ADAMTS7: variants seen among roughly 807,000 people sequenced by gnomAD.
The protein encoded by ADAMTS7 is A disintegrin and metalloproteinase with thrombospondin motifs 7.
In ADAMTS7, 89 loss-of-function variants were observed where a neutral mutation model predicts 172.6. The ratio of observed to expected loss-of-function variants is 0.52; its 90% CI spans 0.43 to 0.61. ADAMTS7 has a LOEUF of 0.61. Among genes scored for constraint, ADAMTS7 ranks in the 20% least tolerant of loss-of-function variants. The pLI is 0.00. For synonymous variants in ADAMTS7, 885 were observed against 978.4 expected (o/e 0.90, Z 1.78); for missense variants, 1,973 against 2,355.6 (o/e 0.84, Z 3.36).
intron 23 of ADAMTS7, 21 bp downstream of exon 23, chr15:78,762,382 G>T (rs1312275886): frequency 7.1e-7 from 1 of 1,415,000 alleles, no homozygotes; most frequent in South Asian, 1.6e-5. Flanking sequence ...TCAGCAGGGA[G>T]CCTGGGGTCA....
chr15:78,775,034 G>A (rs1365626994), intron 11 of ADAMTS7, among the ~76,000 whole-genome samples: 2 of 152,216 alleles, frequency 1.3e-5, no homozygotes, highest in Non-Finnish European at 2.9e-5. Context: ...AACCTACAGT[G>A]TGACCGTGGG....
At position 78,798,104 on chromosome 15, in the gene ADAMTS7, A is replaced by G; in HGVS notation, c.466T>C (p.Phe156Leu). The change falls in exon 3 of 24, where the codon TTC becomes CTC. Residue 156 changes from phenylalanine (F) to leucine (L), a missense_variant. Phe to Leu is a conservative substitution (Grantham distance 22). This residue lies in a region of ADAMTS7 where 306 missense variants were observed against 288.0 expected (regional missense o/e 1.06). Coordinates refer to ENST00000388820, the MANE Select transcript of ADAMTS7 (RefSeq NM_014272.5). ...AAGTAGTCCTCGTTGGAGAGCTGGA[A>G]CACACCTTTCTGGGGAAGAAGCACC... ...ISACDGLKGV[F>L]QLSNEDYFIE... The G allele has an allele frequency of 5.8e-6, 9 of 1,553,660 alleles. No homozygotes were observed. Among genetic ancestry groups the G allele is most frequent in the Non-Finnish European group, 6.9e-6 (8 of 1,158,408 alleles).
At chr15:78,799,606 A>C (rs1435348403) in intron 2 of ADAMTS7, among the ~76,000 whole-genome samples, 1 of 149,878 alleles carries the variant, frequency 6.7e-6, no homozygotes, top group African/African-American at 2.4e-5. Context: ...AACAGTCATA[A>C]CTGATGCCCC....
intron 1 of ADAMTS7, 141 bp from the exon 2 acceptor site, chr15:78,800,688 A>G: frequency 1.4e-6 from 1 of 735,366 alleles, no homozygotes; most frequent in Non-Finnish European, 2.3e-6. Flanking sequence ...GCTATCTACT[A>G]ACTCTGCTAT....
Position 78,796,656 on chromosome 15 carries a change from A to C in ADAMTS7, c.753T>G (p.Asp251Glu). ...GTCCGTGGTACTCCACCATTTTGGC[A>C]TCAGCTACTACCAGGGTCTCCACCC... ...EKWVETLVVA[D>E]AKMVEYHGQP... The change falls in exon 4 of 24, where the codon GAT (aspartate) becomes GAG (glutamate). Residue 251 changes from aspartate to glutamate, a missense_variant. Around this residue, in one of 8 missense-constraint regions of ADAMTS7, gnomAD observed 526 missense variants for 662.9 expected, o/e 0.79. Transcript: ENST00000388820. 6.2e-7 allele frequency: 1 copy of C among 1,614,008 alleles called. No individual in the cohort carries two copies. The highest frequency in any genetic ancestry group is 1.1e-5 in the South Asian group (1 of 91,066).
At chr15:78,800,906 AT>A (rs1262974917) in intron 1 of ADAMTS7, among the ~76,000 whole-genome samples, 1 of 152,012 alleles carries the variant, frequency 6.6e-6, no homozygotes, top group Admixed American at 6.5e-5. Context: ...ACGCCCAGCT[AT>A]TTTTTGTATT....
chr15:78,776,473 C>A (rs1028187758), intron 10 of ADAMTS7, 140 bp from the exon 11 acceptor site: 19 of 1,272,756 alleles, frequency 1.5e-5, no homozygotes, highest in Non-Finnish European at 1.8e-5. Context: ...CCCTCACAAT[C>A]ATCACAATCA....
chr15:78,759,653 C>A, intron 23 of ADAMTS7, 75 bp from the exon 24 acceptor site: 1 of 1,416,354 alleles, frequency 7.1e-7, no homozygotes, highest in Non-Finnish European at 9.2e-7. Context: ...ACGCCAACCA[C>A]CTTAAGGAGG....
chr15:78,785,268 A>G (rs1301789995), intron 8 of ADAMTS7, among the ~76,000 whole-genome samples: 1 of 152,218 alleles, frequency 6.6e-6, no homozygotes, highest in Non-Finnish European at 1.5e-5. Flanking sequence ...AATGCCATCT[A>G]GATGGGGCGC....
intron 1 of ADAMTS7, among the ~76,000 whole-genome samples, chr15:78,808,013 C>G (rs557593963): frequency 1.3e-5 from 2 of 151,776 alleles, no homozygotes; most frequent in Non-Finnish European, 2.9e-5. Context: ...GACTACCAGG[C>G]CTGGATAATT....
chr15:78,804,978 G>A (rs548325863), intron 1 of ADAMTS7, among the ~76,000 whole-genome samples: 1 of 152,358 alleles, frequency 6.6e-6, no homozygotes, highest in Non-Finnish European at 1.5e-5. Context: ...CACTGGGAGT[G>A]AACCTGGCTG....
chr15:78,796,586 T>C lies in ADAMTS7; in HGVS notation c.819+4A>G. On this transcript the variant is annotated splice_donor_region_variant and intron_variant, in intron 4 of 23. Transcript: ENST00000388820. Reference sequence around the variant, plus strand: ...CCACCCGCTCCTGGCCCACACAGACTCACCATGTTCATGATGGTCAGCACA... The same window carrying C: ...CCACCCGCTCCTGGCCCACACAGACCCACCATGTTCATGATGGTCAGCACA... 7 of 1,582,966 alleles carry C rather than the reference T, an allele frequency of 4.4e-6. No individual in the cohort carries two copies. Among genetic ancestry groups the C allele is most frequent in the East Asian group, 4.6e-5 (2 of 43,344 alleles).
At chr15:78,782,071 G>A (rs1394548066) in intron 8 of ADAMTS7, among the ~76,000 whole-genome samples, 1 of 151,374 alleles carries the variant, frequency 6.6e-6, no homozygotes, top group Non-Finnish European at 1.5e-5. Flanking sequence ...TTGCCCTGTC[G>A]CCCAAGCTGA....
chr15:78,805,688 G>C (rs1251508579), intron 1 of ADAMTS7, among the ~76,000 whole-genome samples: 1 of 152,190 alleles, frequency 6.6e-6, no homozygotes, highest in Admixed American at 6.5e-5. Flanking sequence ...TACCTGCCTA[G>C]TCCACGGCAT....
Position 78,766,576 on chromosome 15 carries a change from G to A in ADAMTS7, c.3335C>T (p.Pro1112Leu). The change falls in exon 19 of 24, where the codon CCT (proline) becomes CTT (leucine). Residue 1112 changes from proline to leucine, a missense_variant. Pro to Leu is a moderately conservative substitution (Grantham distance 98). Transcript: ENST00000388820. The stretch of plus-strand genomic sequence containing the variant: ...CTTGGCTGCAGGAGGCTCTGTGGCA[G>A]GCACGGGGCTACCCGTGGAGGGCGC... ...PAAPSTGSPV[P>L]ATEPPAAKEE... The A allele has an allele frequency of 1.2e-6, 2 of 1,604,536 alleles. No homozygotes were observed. Among genetic ancestry groups the A allele is most frequent in the Non-Finnish European group, 1.7e-6 (2 of 1,176,968 alleles).
chr15:78,786,088 C>G lies in ADAMTS7; in HGVS notation c.1322+2143G>C, dbSNP rs561117089. On this transcript the variant is annotated intron_variant, in intron 8 of 23. Transcript: ENST00000388820. ...GGGATTACAGGCACACGCCACCACACCTGGCTAATTTTTGTATTTTCAGTA... is the reference window on the plus strand; with the variant it reads ...GGGATTACAGGCACACGCCACCACAGCTGGCTAATTTTTGTATTTTCAGTA... Among the ~76,000 whole-genome samples the G allele has an allele frequency of 2.0e-5, 3 of 151,196 alleles. No homozygotes were observed. In the South Asian group the frequency reaches 6.4e-4, roughly 32 times the overall value.
intron 4 of ADAMTS7, among the ~76,000 whole-genome samples, chr15:78,794,913 C>T (rs762433686): frequency 1.3e-5 from 2 of 152,196 alleles, no homozygotes; most frequent in Non-Finnish European, 2.9e-5. Flanking sequence ...AATAGGGTTT[C>T]ACCATGTTGG....
Position 78,766,630 on chromosome 15 carries a change from C to T in ADAMTS7, c.3281G>A (p.Arg1094Gln), listed in dbSNP as rs142266635. The change falls in exon 19 of 24, where the codon CGG (arginine) becomes CAG (glutamine). Residue 1094 changes from arginine (R) to glutamine (Q), a missense_variant. Transcript: ENST00000388820. ...PDLDLAGTGD[R>Q]TPPPHSHPAA... ...AGGATGGCTGTGTGGTGGGGGTGTC[C>T]GGTCCCCTGTCCCCGCCAGGTCTAG... 1,197 of 1,608,842 alleles carry T rather than the reference C, an allele frequency of 7.4e-4. 13 individuals are homozygous for T. In the African/African-American group the frequency reaches 0.014, roughly 19 times the overall value.
chr15:78,806,469 A>G (rs879906790), intron 1 of ADAMTS7, among the ~76,000 whole-genome samples: 1 of 152,234 alleles, frequency 6.6e-6, no homozygotes, highest in Admixed American at 6.5e-5. Flanking sequence ...GAGGGACAAA[A>G]TAATGCACTA....
Sources: gnomAD v4.1 joint callset for allele counts (sites outside exome capture counted in the v4.1 genomes callset) on GRCh38, gnomAD v4.1.1 for gene constraint, gnomAD v4.1.1 regional missense constraint, MANE v1.5 for transcripts, NCBI Gene and HGNC (gene_info 2026-07-23, HGNC 2026-07-21) for gene names.